The following JAG2 variants were observed in gnomAD, a reference collection of about 807,000 sequenced individuals.
The protein encoded by JAG2 is jagged canonical Notch ligand 2.
Under a neutral mutation model 141.7 loss-of-function variants are expected in JAG2, and 46 were observed. The ratio of observed to expected loss-of-function variants is 0.32; its 90% CI spans 0.26 to 0.42. The LOEUF (loss-of-function observed/expected upper bound fraction) is 0.42, where lower values mean the gene tolerates loss of function less well. Among genes scored for constraint, JAG2 ranks in the 10% least tolerant of loss-of-function variants. The pLI, the probability that JAG2 is intolerant of heterozygous loss-of-function variation, is 1.00. For synonymous variants in JAG2, 862 were observed against 763.5 expected, an observed-to-expected ratio of 1.13 and a Z score of -2.13; for missense variants, 1,500 against 1,817.5, an observed-to-expected ratio of 0.83 and a Z score of 3.18.
chr14:105,155,358 A>G (rs116710203), intron 5 of JAG2, among the ~76,000 whole-genome samples: 1,971 of 152,088 alleles, frequency 0.013, 44 homozygotes, highest in African/African-American at 0.045. Flanking sequence ...CTGTCCTCAC[A>G]TGGCTGCCGC....
In JAG2 at chr14:105,167,795, G is replaced by T. The variant is rs1888965946; in HGVS notation, c.379C>A (p.Pro127Thr). ...ARARAGGDQD[P>T]GLVVIPFQFA... Reference sequence around the variant, plus strand: ...TGGAAGGGGATGACGACGAGGCCCGGGTCCTGGTCGCCGCCGGCCCGGGCC... The same window carrying T: ...TGGAAGGGGATGACGACGAGGCCCGTGTCCTGGTCGCCGCCGGCCCGGGCC... The change falls in exon 2 of 26, where the codon CCG becomes ACG. Residue 127 changes from proline (P) to threonine (T), a missense_variant. Physicochemically the swap from Pro to Thr is conservative, Grantham distance 38. Around this residue, in one of 3 missense-constraint regions of JAG2, gnomAD observed 875 missense variants for 1,202.2 expected, o/e 0.73. Coordinates refer to ENST00000331782, the MANE Select transcript of JAG2 (RefSeq NM_002226.5). The surrounding 1 kb of genome is among the most constrained non-coding windows in gnomAD (Gnocchi z 4.8). The T allele has an allele frequency of 2.0e-6, 3 of 1,464,706 alleles. No individual in the cohort carries two copies. Among genetic ancestry groups the T allele is most frequent in the African/African-American group, 1.5e-5 (1 of 67,638 alleles). 90.7% of individuals were successfully genotyped at this position (1,464,706 alleles called of 1,614,324 possible).
Position 105,167,850 on chromosome 14 carries a change from C to T in JAG2, c.324G>A (p.Ala108=). 4 of 1,527,992 alleles carry T rather than the reference C, an allele frequency of 2.6e-6. No individual in the cohort carries two copies. Among genetic ancestry groups the T allele is most frequent in the Non-Finnish European group, 3.5e-6 (4 of 1,146,612 alleles). 94.7% of individuals were successfully genotyped at this position (1,527,992 alleles called of 1,614,324 possible). The part of the protein sequence containing the change: ...LGGNSFYLPP[A]GAAGDRARAR... ...CCCGCGCTCGGTCCCCCGCAGCGCC[C>T]GCCGGCGGCAGGTAGAAGGAGTTGC... The change falls in exon 2 of 26, where the codon GCG becomes GCA. Residue 108 remains alanine, a synonymous_variant. Transcript: ENST00000331782. The surrounding 1 kb of genome is among the most constrained non-coding windows in gnomAD (Gnocchi z 4.8).
intron 2 of JAG2, among the ~76,000 whole-genome samples, chr14:105,159,442 G>A (rs891701660): frequency 1.3e-5 from 2 of 151,620 alleles, no homozygotes; most frequent in African/African-American, 4.9e-5. Context: ...GCCAGGCCAC[G>A]GGGCCCAGTC....
At chr14:105,164,664 G>C (rs1010373383) in intron 2 of JAG2, among the ~76,000 whole-genome samples, 1 of 152,160 alleles carries the variant, frequency 6.6e-6, no homozygotes, top group African/African-American at 2.4e-5. Context: ...CTGGATGCAG[G>C]GGGTGGGCTC....
chr14:105,167,872 T>C lies in JAG2; in HGVS notation c.302A>G (p.Asn101Ser), dbSNP rs2141000167. Reference sequence around the variant, plus strand: ...GCCCGCCGGCGGCAGGTAGAAGGAGTTGCCGCCCAGCACGGGCGTGGCGCC... The same window carrying C: ...GCCCGCCGGCGGCAGGTAGAAGGAGCTGCCGCCCAGCACGGGCGTGGCGCC... The part of the protein sequence containing the change: ...GHGATPVLGG[N>S]SFYLPPAGAA... The change falls in exon 2 of 26, where the codon AAC becomes AGC. Residue 101 changes from asparagine (N) to serine (S), a missense_variant. This residue lies in a region of JAG2 where 200 missense variants were observed against 174.3 expected (regional missense o/e 1.15). Coordinates refer to ENST00000331782, the MANE Select transcript of JAG2 (RefSeq NM_002226.5). The surrounding 1 kb of genome is among the most constrained non-coding windows in gnomAD (Gnocchi z 4.8). The C allele has an allele frequency of 6.4e-7, 1 of 1,562,462 alleles. No homozygotes were observed. The highest frequency in any genetic ancestry group is 8.6e-7 in the Non-Finnish European group (1 of 1,162,382).
At chr14:105,166,679 C>G (rs1342822085) in intron 2 of JAG2, among the ~76,000 whole-genome samples, 1 of 152,222 alleles carries the variant, frequency 6.6e-6, no homozygotes, top group African/African-American at 2.4e-5. Flanking sequence ...GAGCCACACA[C>G]GGCAGGCCCA....
At position 105,166,854 on chromosome 14, in the gene JAG2, C is replaced by A. The variant is rs117952337; in HGVS notation, c.417+903G>T. On this transcript the variant is annotated intron_variant, in intron 2 of 25. Transcript: ENST00000331782. ...TCTGCATGGTGCTCTCATTCCCGCACTCACCCAGTTCCAGGCCCCCAGCAC... is the reference window on the plus strand; with the variant it reads ...TCTGCATGGTGCTCTCATTCCCGCAATCACCCAGTTCCAGGCCCCCAGCAC... Among the ~76,000 whole-genome samples, 1,512 of 152,324 alleles carry A rather than the reference C, an allele frequency of 9.9e-3. 54 individuals are homozygous for A. Among genetic ancestry groups the A allele is most frequent in the Admixed American group, 0.076 (1,170 of 15,310 alleles).
At chr14:105,144,857 T>A in intron 24 of JAG2, 73 bp downstream of exon 24, 1 of 1,558,076 alleles carries the variant, frequency 6.4e-7, no homozygotes, top group Non-Finnish European at 8.7e-7. Flanking sequence ...AGAGCCTCTG[T>A]CCAGCATAGC....
chr14:105,143,698 C>T (rs1458761247), intron 24 of JAG2, 60 bp from the exon 25 acceptor site: 2 of 1,582,672 alleles, frequency 1.3e-6, no homozygotes, highest in Admixed American at 3.4e-5. Context: ...CAGCAGCCTG[C>T]CCCCAACACT....
At position 105,145,964 on chromosome 14, in the gene JAG2, C is replaced by T. The variant is rs1566759748; in HGVS notation, c.2719G>A (p.Gly907Arg). The T allele has an allele frequency of 1.3e-6, 2 of 1,592,040 alleles. No individual in the cohort carries two copies. Among genetic ancestry groups the T allele is most frequent in the Non-Finnish European group, 1.7e-6 (2 of 1,171,350 alleles). The change falls in exon 23 of 26, where the codon GGA (glycine) becomes AGA (arginine). Residue 907 changes from glycine (G) to arginine (R), a missense_variant. Physicochemically the swap from Gly to Arg is moderately radical, Grantham distance 125. Transcript: ENST00000331782. Reference protein sequence around the residue: ...GRRDCSKVWCGWKPCLLAGQP... With the variant: ...GRRDCSKVWCRWKPCLLAGQP... ...CCGGCCAGCAGACAAGGCTTCCATC[C>T]GCACCACACCTGGGCAGGCACGCAC...
At chr14:105,165,342 G>C (rs1404225130) in intron 2 of JAG2, among the ~76,000 whole-genome samples, 1 of 152,226 alleles carries the variant, frequency 6.6e-6, no homozygotes, top group South Asian at 2.1e-4. Context: ...AGCACCCGGG[G>C]TGCGTGCACA....
rs1444764256 is a variant in JAG2, at chr14:105,167,516, G to A, written c.417+241C>T. ...ACGCCGCACACCGCCGCGCACGCGG[G>A]ACGCCGCCGCCCCGCCCCCGCCGCG... is the stretch of plus-strand genomic sequence containing the variant. On this transcript the variant is annotated intron_variant, in intron 2 of 25. Coordinates refer to ENST00000331782, the MANE Select transcript of JAG2 (RefSeq NM_002226.5). The surrounding 1 kb of genome is among the most constrained non-coding windows in gnomAD (Gnocchi z 4.8). Among the ~76,000 whole-genome samples the A allele has an allele frequency of 6.7e-6, 1 of 148,458 alleles. No individual in the cohort carries two copies. Among genetic ancestry groups the A allele is most frequent in the Non-Finnish European group, 1.5e-5 (1 of 66,634 alleles).
At chr14:105,145,677 G>T in intron 23 of JAG2, 54 bp downstream of exon 23, 1 of 1,555,370 alleles carries the variant, frequency 6.4e-7, no homozygotes, top group Non-Finnish European at 8.7e-7. Context: ...GCCATGCCAC[G>T]AGCAGATGCC....
chr14:105,146,567 G>GA (rs751726612), intron 21 of JAG2, 44 bp downstream of exon 21: 5 of 1,604,750 alleles, frequency 3.1e-6, no homozygotes, highest in Non-Finnish European at 4.3e-6. Flanking sequence ...TGTCACCCAT[G>GA]CCCCCCAACC....
At chr14:105,160,905 G>T (rs1326317304) in intron 2 of JAG2, among the ~76,000 whole-genome samples, 1 of 152,028 alleles carries the variant, frequency 6.6e-6, no homozygotes, top group Non-Finnish European at 1.5e-5. Context: ...TGAACAGGTG[G>T]CATTGAGATT....
chr14:105,144,519 CCA>C (rs1566758913), intron 24 of JAG2, among the ~76,000 whole-genome samples: 1 of 152,206 alleles, frequency 6.6e-6, no homozygotes, highest in Admixed American at 6.5e-5. Flanking sequence ...TGTCTCCACC[CCA>C]GTCTCACCCG....
chr14:105,168,375 GC>G lies in JAG2; in HGVS notation c.45del (p.Leu16CysfsTer19). The G allele has an allele frequency of 9.8e-7, 1 of 1,016,638 alleles. No individual in the cohort carries two copies. Among genetic ancestry groups the G allele is most frequent in the Non-Finnish European group, 1.2e-6 (1 of 824,574 alleles). 63.0% of individuals were successfully genotyped at this position (1,016,638 alleles called of 1,614,324 possible). ...CTCACCTGCACCCAGAGCGCCAGCAGCAGCAGCAGCCGCCGGGGAAGGCGCC... is the reference window on the plus strand; with the variant it reads ...CTCACCTGCACCCAGAGCGCCAGCAGAGCAGCAGCCGCCGGGGAAGGCGCC... ...GRGRLPRRLLLLLALWVQAAR... is the reference protein window; with the variant it reads ...GRGRLPRRLLXLLALWVQAAR... On this transcript the variant is annotated frameshift_variant, in exon 1 of 26. Transcript: ENST00000331782. LOFTEE classifies it high-confidence loss of function.
chr14:105,155,669 G>A (rs763495956), intron 4 of JAG2, 47 bp from the exon 5 acceptor site: 41 of 1,612,162 alleles, frequency 2.5e-5, no homozygotes, highest in African/African-American at 5.3e-5. Context: ...CAGCCTGGCC[G>A]CAAGGCCTGT....
intron 2 of JAG2, among the ~76,000 whole-genome samples, chr14:105,166,252 T>C (rs1888906811): frequency 6.6e-6 from 1 of 152,240 alleles, no homozygotes; most frequent in African/African-American, 2.4e-5. Context: ...GGACACGCGA[T>C]AGCCCGCCAC....
Sources: allele counts gnomAD v4.1 joint callset (sites outside exome capture counted in the v4.1 genomes callset), GRCh38; gene constraint gnomAD v4.1.1; regional missense constraint gnomAD v4.1.1; non-coding constraint Gnocchi (gnomAD v3.1); transcripts MANE v1.5; gene names NCBI Gene and HGNC (gene_info 2026-07-23, HGNC 2026-07-21).